Variants in CUX1 observed in about 807,000 individuals in gnomAD.
CUX1 encodes protein CASP.
Under a neutral mutation model 158.8 loss-of-function variants are expected in CUX1, and 31 were observed. The ratio of observed to expected loss-of-function variants is 0.20; its 90% confidence interval spans 0.15 to 0.26. CUX1 has a LOEUF of 0.26. Among genes scored for constraint, CUX1 ranks in the 10% least tolerant of loss-of-function variants. The probability of loss-of-function intolerance (pLI) is 1.00; values close to 1 mark genes in which losing one functional copy is unlikely to be tolerated. For synonymous variants in CUX1, 879 were observed against 862.1 expected (o/e 1.02, Z -0.34); for missense variants, 1,589 against 2,014.6 (o/e 0.79, Z 4.04).
At chr7:102,169,289 G>A (rs559161628) in intron 9 of CUX1, among the ~76,000 whole-genome samples, 36 of 152,022 alleles carry the variant, frequency 2.4e-4, no homozygotes, top group Non-Finnish European at 3.7e-4. Context: ...GGCTGGTCTC[G>A]AACCCCTGAC....
intron 1 of CUX1, among the ~76,000 whole-genome samples, chr7:101,821,857 G>GTTTTTTTTTT (rs58248170): frequency 2.4e-5 from 2 of 83,406 alleles, no homozygotes; most frequent in African/African-American, 9.0e-5. Context: ...TTGTTTTTTT[G>GTTTTTTTTTT]TTTTTTTTTT....
intron 5 of CUX1, among the ~76,000 whole-genome samples, chr7:102,098,538 G>A (rs1829433630): frequency 6.6e-6 from 1 of 152,112 alleles, no homozygotes; most frequent in Non-Finnish European, 1.5e-5. Context: ...TTGAACCCAG[G>A]AGGTCAAGCC....
At chr7:102,230,555 A>C (rs1798850459) in intron 21 of CUX1, among the ~76,000 whole-genome samples, 1 of 151,994 alleles carries the variant, frequency 6.6e-6, no homozygotes, top group Non-Finnish European at 1.5e-5. Flanking sequence ...TCAGTGATCT[A>C]ACAGCCTGGA....
rs557334219 is a variant in CUX1 at position 101,854,316 on chromosome 7, A to T, written c.30+36647A>T. On this transcript the variant is annotated intron_variant, in intron 1 of 23. Transcript: ENST00000292535. ...TGCCAGCGGGTAACATATGATTAAC[A>T]CAAGTTTGGAGTCTGTCTGCAGAGC... Among the ~76,000 whole-genome samples the T allele has an allele frequency of 3.3e-5, 5 of 152,268 alleles. No homozygotes were observed. In the South Asian group the frequency reaches 8.3e-4, roughly 25 times the overall value.
intron 2 of CUX1, among the ~76,000 whole-genome samples, chr7:102,001,492 C>G (rs921329338): frequency 1.3e-5 from 2 of 152,152 alleles, no homozygotes; most frequent in Non-Finnish European, 1.5e-5. Flanking sequence ...TGCAGGTGCC[C>G]TCCATCACAC....
chr7:102,239,912 A>G (rs1289044814), intron 23 of CUX1, among the ~76,000 whole-genome samples: 1 of 151,864 alleles, frequency 6.6e-6, no homozygotes, highest in African/African-American at 2.4e-5. Context: ...AAGCCCGGCT[A>G]ATTTTTGTAT....
At chr7:102,180,509 G>A (rs548840414) in intron 11 of CUX1, among the ~76,000 whole-genome samples, 2 of 151,794 alleles carry the variant, frequency 1.3e-5, no homozygotes, top group East Asian at 3.9e-4. Context: ...AATTTTTTGT[G>A]GAGATGGGAT....
chr7:102,049,677 C>CA (rs980624598), intron 3 of CUX1, among the ~76,000 whole-genome samples: 15 of 150,678 alleles, frequency 1.0e-4, no homozygotes, highest in African/African-American at 1.5e-4. Context: ...CCATCTCTAC[C>CA]AAAAAAAACA....
chr7:101,913,578 C>T (rs1033187941), intron 1 of CUX1: 29 of 262,860 alleles, frequency 1.1e-4, no homozygotes, highest in African/African-American at 6.4e-4. Context: ...CATCTGGCAT[C>T]TTCCCCAGCG....
At chr7:102,202,274 C>T (rs1387766109) in intron 18 of CUX1, 70 bp downstream of exon 18, 2 of 1,523,868 alleles carry the variant, frequency 1.3e-6, no homozygotes, top group African/African-American at 2.8e-5. Context: ...GTATCTATCC[C>T]GCAGCCTGTG....
chr7:101,984,119 T>A lies in CUX1; in HGVS notation c.142-43979T>A, dbSNP rs1443061637. On this transcript the variant is annotated intron_variant, in intron 2 of 23. Coordinates refer to ENST00000292535, the MANE Select transcript of CUX1 (RefSeq NM_181552.4). ...ATATATATATATATATATATATATATATATATATATACACACACACATATA... is the reference window on the plus strand; with the variant it reads ...ATATATATATATATATATATATATAAATATATATATACACACACACATATA... Among the ~76,000 whole-genome samples the A allele has an allele frequency of 7.3e-4, 32 of 44,126 alleles. 2 individuals are homozygous for A. Among genetic ancestry groups the A allele is most frequent in the Non-Finnish European group, 1.5e-3 (28 of 19,038 alleles). The allele number at this position is 44,126 out of a possible 152,430, so 28.9% of individuals were successfully genotyped here.
intron 3 of CUX1, among the ~76,000 whole-genome samples, chr7:102,028,671 G>A (rs768798314): frequency 3.9e-5 from 6 of 152,192 alleles, no homozygotes; most frequent in Non-Finnish European, 8.8e-5. Context: ...TTCCAGAGAA[G>A]GACGGAGCCA....
At chr7:101,892,799 A>AT (rs1217936094) in intron 1 of CUX1, among the ~76,000 whole-genome samples, 6 of 152,144 alleles carry the variant, frequency 3.9e-5, no homozygotes. Flanking sequence ...TTTTTAGACC[A>AT]TTAAAGGGCC....
intron 8 of CUX1, among the ~76,000 whole-genome samples, chr7:102,150,339 A>G (rs1554503249): frequency 6.6e-6 from 1 of 152,112 alleles, no homozygotes; most frequent in African/African-American, 2.4e-5. Flanking sequence ...TATTTTTAGT[A>G]GAGGCAGGGT....
rs142670666 is a variant in CUX1 at position 101,825,586 on chromosome 7, C to T, written c.30+7917C>T. ...GCCCTGGTCCCGCAGTTTGTCATCCCGCAGTTTGTCAGCATCGATGTGGGA... is the reference window on the plus strand; with the variant it reads ...GCCCTGGTCCCGCAGTTTGTCATCCTGCAGTTTGTCAGCATCGATGTGGGA... On this transcript the variant is annotated intron_variant, in intron 1 of 23. Transcript: ENST00000292535. 5.9e-4 allele frequency among the ~76,000 whole-genome samples: 90 copies of T among 152,264 alleles called. 1 individual carries two copies. Among genetic ancestry groups the T allele is most frequent in the Non-Finnish European group, 1.0e-3 (70 of 68,020 alleles).
intron 13 of CUX1, 83 bp downstream of exon 13, chr7:102,193,973 C>T (rs1786295975): frequency 8.7e-6 from 12 of 1,371,520 alleles, no homozygotes; most frequent in Non-Finnish European, 1.2e-5. Context: ...TCCCATGATC[C>T]ACTGTTTCTA....
chr7:102,167,065 C>G (rs1172486816), intron 9 of CUX1, among the ~76,000 whole-genome samples: 1 of 151,984 alleles, frequency 6.6e-6, no homozygotes, highest in Non-Finnish European at 1.5e-5. Flanking sequence ...GTCAGGAGTT[C>G]AAGACCAGCC....
At chr7:102,043,493 T>C (rs1271351230) in intron 3 of CUX1, among the ~76,000 whole-genome samples, 1 of 152,096 alleles carries the variant, frequency 6.6e-6, no homozygotes, top group South Asian at 2.1e-4. Flanking sequence ...AGTAAAACTT[T>C]TACCCTTTTC....
At chr7:101,957,536 C>G (rs1809922840) in intron 2 of CUX1, among the ~76,000 whole-genome samples, 1 of 152,092 alleles carries the variant, frequency 6.6e-6, no homozygotes, top group Non-Finnish European at 1.5e-5. Context: ...GCCTGGCCAA[C>G]TTGGTGAAAC....
Sources: gnomAD v4.1 joint callset for allele counts (sites outside exome capture counted in the v4.1 genomes callset) on GRCh38, gnomAD v4.1.1 for gene constraint, MANE v1.5 for transcripts, NCBI Gene and HGNC (gene_info 2026-07-23, HGNC 2026-07-21) for gene names.